LRP1B: variants seen among roughly 807,000 people sequenced by gnomAD.
LRP1B encodes low-density lipoprotein receptor-related protein 1B.
Under a neutral mutation model 556.6 loss-of-function variants are expected in LRP1B, and 217 were observed. That is an observed-to-expected ratio of 0.39 (90% CI 0.35 to 0.44). The LOEUF is 0.44. Ranked by LOEUF, LRP1B falls within the 20% of genes least tolerant of loss-of-function variation. The pLI, the probability that LRP1B is intolerant of heterozygous loss-of-function variation, is 1.00. For missense variants in LRP1B, 5,053 were observed against 5,620.8 expected (o/e 0.90, Z 3.23); for synonymous variants, 2,047 against 1,865.8 (o/e 1.10, Z -2.50).
At chr2:142,057,673 T>A (rs1301010400) in intron 1 of LRP1B, among the ~76,000 whole-genome samples, 2 of 152,178 alleles carry the variant, frequency 1.3e-5, no homozygotes, top group African/African-American at 4.8e-5. Flanking sequence ...GAGTATAATA[T>A]TTTTCAGATT....
At chr2:140,501,546 A>G (rs143284361) in intron 55 of LRP1B, 141 bp downstream of exon 55, 2 of 489,898 alleles carry the variant, frequency 4.1e-6, no homozygotes, top group African/African-American at 3.9e-5. Context: ...CTATTATGGT[A>G]TCTTCATATC....
intron 1 of LRP1B, among the ~76,000 whole-genome samples, chr2:142,036,129 C>G (rs1275505254): frequency 6.6e-6 from 1 of 151,586 alleles, no homozygotes; most frequent in Admixed American, 6.6e-5. Flanking sequence ...TAATACACCC[C>G]AAGAACACCA....
chr2:141,565,678 T>TC (rs1686305452), intron 2 of LRP1B, among the ~76,000 whole-genome samples: 1 of 152,240 alleles, frequency 6.6e-6, no homozygotes, highest in Non-Finnish European at 1.5e-5. Flanking sequence ...GCTTTACGCA[T>TC]ACGCGTATAT....
rs1559170943 is a variant in LRP1B, at chr2:140,878,037, T to C, written c.4169+5780A>G. 2.0e-5 allele frequency among the ~76,000 whole-genome samples: 3 copies of C among 152,114 alleles called. No individual in the cohort carries two copies. In the South Asian group the frequency reaches 6.2e-4, roughly 31 times the overall value. On this transcript the variant is annotated intron_variant, in intron 25 of 90. Transcript: ENST00000389484. Reference sequence around the variant, plus strand: ...TGGAAGCATATTCAGAAAAACAATATCCAAATTGTTTATTGTTCGATAATG... The same window carrying C: ...TGGAAGCATATTCAGAAAAACAATACCCAAATTGTTTATTGTTCGATAATG...
chr2:141,385,304 A>G (rs1194861944), intron 3 of LRP1B, among the ~76,000 whole-genome samples: 2 of 152,158 alleles, frequency 1.3e-5, no homozygotes, highest in African/African-American at 4.8e-5. Flanking sequence ...AAAAATATAT[A>G]CAGTTTGAGT....
At chr2:141,817,690 A>T (rs1696607674) in intron 1 of LRP1B, among the ~76,000 whole-genome samples, 1 of 152,122 alleles carries the variant, frequency 6.6e-6, no homozygotes, top group Non-Finnish European at 1.5e-5. Flanking sequence ...ACAACTATGT[A>T]GCCCCCAGCT....
chr2:141,758,278 T>C (rs921830011), intron 2 of LRP1B, among the ~76,000 whole-genome samples: 7 of 152,208 alleles, frequency 4.6e-5, no homozygotes, highest in African/African-American at 1.7e-4. Flanking sequence ...CTTTGTATAA[T>C]CCAATTTATT....
intron 2 of LRP1B, among the ~76,000 whole-genome samples, chr2:141,745,962 T>C (rs2105554823): frequency 6.6e-6 from 1 of 152,034 alleles, no homozygotes; most frequent in South Asian, 2.1e-4. Context: ...GCCCAGGGTG[T>C]TTCTAAAAAT....
At chr2:141,516,058 A>AT (rs1684303073) in intron 2 of LRP1B, among the ~76,000 whole-genome samples, 5 of 152,016 alleles carry the variant, frequency 3.3e-5, no homozygotes, top group South Asian at 4.2e-4. Flanking sequence ...CTTGGTTAAT[A>AT]TTTTTTTTGG....
chr2:140,525,847 G>T lies in LRP1B; in HGVS notation c.8023C>A (p.Pro2675Thr), dbSNP rs143896447. Residue 2675 changes from proline (P) to threonine (T), a missense_variant, in exon 49 of 91, where the codon CCA (proline) becomes ACA (threonine). Pro to Thr is a conservative substitution (Grantham distance 38). Transcript: ENST00000389484. ...TTTTTCTAAATTCTAGTATTACCTG[G>T]GCACTTTAATTCATCTGAATAGTCT... ...CGDYSDELKC[P>T]VQNKHKCEEN... is the part of the protein sequence containing the mutation. The T allele has an allele frequency of 6.2e-7, 1 of 1,610,714 alleles. No homozygotes were observed. The highest frequency in any genetic ancestry group is 1.3e-5 in the African/African-American group (1 of 74,632).
chr2:140,564,036 A>G (rs563024424), intron 43 of LRP1B, among the ~76,000 whole-genome samples: 1 of 152,274 alleles, frequency 6.6e-6, no homozygotes, highest in South Asian at 2.1e-4. Flanking sequence ...TCAATAATTT[A>G]TCTCTCCTCT....
intron 1 of LRP1B, among the ~76,000 whole-genome samples, chr2:142,011,944 G>T (rs1435621363): frequency 2.0e-5 from 3 of 151,968 alleles, no homozygotes; most frequent in African/African-American, 7.2e-5. Flanking sequence ...TAGCAAATTG[G>T]TTAGAATTAA....
At chr2:141,901,685 ATATAG>A (rs1699622274) in intron 1 of LRP1B, among the ~76,000 whole-genome samples, 1 of 151,892 alleles carries the variant, frequency 6.6e-6, no homozygotes, top group South Asian at 2.1e-4. Flanking sequence ...AAAACAGGAA[ATATAG>A]TATGTGAGAA....
At chr2:141,282,507 G>C (rs148800905) in intron 3 of LRP1B, among the ~76,000 whole-genome samples, 3,323 of 150,802 alleles carry the variant, frequency 0.022, 68 homozygotes, top group Non-Finnish European at 0.035. Flanking sequence ...ATATGTATAT[G>C]TATATGTATA....
chr2:141,028,951 T>C (rs1228896814), intron 11 of LRP1B, among the ~76,000 whole-genome samples: 7 of 151,936 alleles, frequency 4.6e-5, no homozygotes, highest in Admixed American at 3.3e-4. Context: ...GGAAGAGAGC[T>C]GGGTTGGGTG....
At chr2:140,279,714 T>C (rs891556416) in intron 84 of LRP1B, among the ~76,000 whole-genome samples, 8 of 151,960 alleles carry the variant, frequency 5.3e-5, no homozygotes, top group Admixed American at 1.3e-4. Flanking sequence ...GCTTCTTCAG[T>C]ATGTAATTGT....
intron 2 of LRP1B, among the ~76,000 whole-genome samples, chr2:141,679,708 GATAA>G (rs1244853165): frequency 1.3e-5 from 2 of 152,090 alleles, no homozygotes; most frequent in East Asian, 3.9e-4. Context: ...CATGTGAATG[GATAA>G]ATAAATTTTG....
chr2:141,072,356 T>C (rs566686276), intron 7 of LRP1B, among the ~76,000 whole-genome samples: 4 of 152,164 alleles, frequency 2.6e-5, no homozygotes, highest in Non-Finnish European at 4.4e-5. Flanking sequence ...TTTTGACCAC[T>C]CTAAATCAAG....
At chr2:141,579,423 A>AT (rs892376525) in intron 2 of LRP1B, among the ~76,000 whole-genome samples, 21 of 151,872 alleles carry the variant, frequency 1.4e-4, no homozygotes, top group African/African-American at 4.6e-4. Flanking sequence ...TCCAGCCTCT[A>AT]TTTTTTTTGA....
Sources: gnomAD v4.1 joint callset for allele counts (sites outside exome capture counted in the v4.1 genomes callset) on GRCh38, gnomAD v4.1.1 for gene constraint, MANE v1.5 for transcripts, NCBI Gene and HGNC (gene_info 2026-07-23, HGNC 2026-07-21) for gene names.